AUTS2: variants seen among roughly 807,000 people sequenced by gnomAD.
AUTS2 encodes the protein activator of transcription and developmental regulator AUTS2, also known as autism susceptibility gene 2 protein.
Under a neutral mutation model 112.4 loss-of-function variants are expected in AUTS2, and 17 were observed. That is an observed-to-expected ratio of 0.15 (90% CI 0.10 to 0.23). The LOEUF (loss-of-function observed/expected upper bound fraction) is 0.23, where lower values mean the gene tolerates loss of function less well. AUTS2 is among the 10% of genes least tolerant of loss of function. The pLI is 1.00. For synonymous variants in AUTS2, 751 were observed against 702.7 expected (o/e 1.07, Z -1.09); for missense variants, 1,510 against 1,701.6 (o/e 0.89, Z 1.98).
intron 2 of AUTS2, among the ~76,000 whole-genome samples, chr7:70,035,770 C>T (rs758728457): frequency 2.0e-5 from 3 of 152,168 alleles, no homozygotes; most frequent in African/African-American, 7.2e-5. Flanking sequence ...TGTTCCTCCT[C>T]ATTTCTTCTT....
At chr7:70,265,243 A>T (rs1215645602) in intron 4 of AUTS2, among the ~76,000 whole-genome samples, 1 of 152,178 alleles carries the variant, frequency 6.6e-6, no homozygotes, top group Non-Finnish European at 1.5e-5. Context: ...GGAGTACATG[A>T]TAGTTTTGTA....
At chr7:69,858,120 C>G (rs912872772) in intron 1 of AUTS2, among the ~76,000 whole-genome samples, 4 of 152,200 alleles carry the variant, frequency 2.6e-5, no homozygotes, top group African/African-American at 9.7e-5. Flanking sequence ...GTGACCATCA[C>G]AAGGACCTGG....
chr7:69,659,917 T>G (rs1420524173), intron 1 of AUTS2, among the ~76,000 whole-genome samples: 1 of 152,208 alleles, frequency 6.6e-6, no homozygotes, highest in African/African-American at 2.4e-5. Context: ...TTCCCTTAGC[T>G]TCCCTGCCCT....
At chr7:70,518,270 C>T (rs115931764) in intron 5 of AUTS2, among the ~76,000 whole-genome samples, 273 of 152,144 alleles carry the variant, frequency 1.8e-3, no homozygotes, top group African/African-American at 6.2e-3. Context: ...GCAATCAGGA[C>T]GCAGGGGAGA....
intron 5 of AUTS2, among the ~76,000 whole-genome samples, chr7:70,685,145 A>G (rs1808404322): frequency 6.6e-6 from 1 of 152,136 alleles, no homozygotes. Context: ...GACTAACCAA[A>G]GCTAGAAATG....
rs566697911 is a variant in AUTS2, at chr7:70,403,454, G to A, written c.661-32298G>A. 3.9e-5 allele frequency among the ~76,000 whole-genome samples: 6 copies of A among 152,330 alleles called. No individual in the cohort carries two copies. The East Asian group carries it at 1.2e-3, about 29-fold the overall frequency. ...TGGCACTGCATGTTGAAACAAACTG[G>A]AAAATAGCAGGGCCTTTCCTTCATC... is the stretch of plus-strand genomic sequence containing the variant. On this transcript the variant is annotated intron_variant, in intron 4 of 18. Coordinates refer to ENST00000342771, the MANE Select transcript of AUTS2 (RefSeq NM_015570.4).
At position 69,646,167 on chromosome 7, in the gene AUTS2, A is replaced by T. The variant is rs1261277486; in HGVS notation, c.309+46205A>T. ...AACCTTTTTTAAACTAGTATAATAC[A>T]ACCTGACTGCTACCTGCAGTTTCCC... On this transcript the variant is annotated intron_variant, in intron 1 of 18. Transcript: ENST00000342771. Among the ~76,000 whole-genome samples the T allele has an allele frequency of 2.0e-5, 3 of 152,082 alleles. No homozygotes were observed. In the East Asian group the frequency reaches 5.8e-4, roughly 29 times the overall value.
intron 3 of AUTS2, among the ~76,000 whole-genome samples, chr7:70,128,719 G>A (rs1806109984): frequency 6.6e-6 from 1 of 152,230 alleles, no homozygotes; most frequent in Admixed American, 6.5e-5. Flanking sequence ...CTGCTTTAAT[G>A]AATGACCACA....
intron 4 of AUTS2, among the ~76,000 whole-genome samples, chr7:70,243,479 G>A (rs769125042): frequency 1.3e-5 from 2 of 151,984 alleles, no homozygotes; most frequent in Admixed American, 1.3e-4. Context: ...TTTAGTACAT[G>A]ATAACAACTG....
chr7:70,037,389 T>TCTTG (rs1487785939), intron 2 of AUTS2, among the ~76,000 whole-genome samples: 1 of 152,196 alleles, frequency 6.6e-6, no homozygotes, highest in Non-Finnish European at 1.5e-5. Flanking sequence ...TTATAGCTGC[T>TCTTG]CTTGCCACAG....
At chr7:69,836,300 C>A (rs146392027) in intron 1 of AUTS2, among the ~76,000 whole-genome samples, 2 of 152,234 alleles carry the variant, frequency 1.3e-5, no homozygotes, top group African/African-American at 4.8e-5. Flanking sequence ...TAGGAATTGC[C>A]CTCTGCCTTG....
At chr7:69,647,107 A>G (rs565435025) in intron 1 of AUTS2, among the ~76,000 whole-genome samples, 4 of 152,066 alleles carry the variant, frequency 2.6e-5, no homozygotes, top group Non-Finnish European at 5.9e-5. Context: ...AAAACAAAAA[A>G]CAAAAACAAA....
At chr7:70,043,913 C>T (rs1420417421) in intron 2 of AUTS2, among the ~76,000 whole-genome samples, 1 of 151,956 alleles carries the variant, frequency 6.6e-6, no homozygotes, top group Non-Finnish European at 1.5e-5. Context: ...CCGGCCTCCC[C>T]TTTGCATTTC....
intron 1 of AUTS2, among the ~76,000 whole-genome samples, chr7:69,799,463 G>A (rs1206953359): frequency 2.0e-5 from 3 of 152,104 alleles, no homozygotes; most frequent in African/African-American, 7.2e-5. Context: ...GTGCCTCTGA[G>A]GTCCAGCGAG....
chr7:70,313,088 G>A (rs1299753412), intron 4 of AUTS2, among the ~76,000 whole-genome samples: 4 of 152,160 alleles, frequency 2.6e-5, no homozygotes, highest in Non-Finnish European at 4.4e-5. Context: ...AAACTGCAGA[G>A]CAACACATTT....
chr7:70,394,349 G>C (rs2129875706), intron 4 of AUTS2, among the ~76,000 whole-genome samples: 1 of 152,296 alleles, frequency 6.6e-6, no homozygotes, highest in South Asian at 2.1e-4. Flanking sequence ...TGCTTGACAG[G>C]TTATGCACCA....
chr7:70,077,308 C>T (rs193132385), intron 2 of AUTS2, among the ~76,000 whole-genome samples: 2 of 152,208 alleles, frequency 1.3e-5, no homozygotes, highest in South Asian at 2.1e-4. Flanking sequence ...AAAGGTAGGC[C>T]GAGGGATAAT....
intron 6 of AUTS2, among the ~76,000 whole-genome samples, chr7:70,736,872 G>A (rs1374520147): frequency 6.6e-6 from 1 of 152,192 alleles, no homozygotes; most frequent in Non-Finnish European, 1.5e-5. Flanking sequence ...AATGGAGTCA[G>A]AAATAGGCTG....
chr7:70,160,358 C>T (rs534359593), intron 4 of AUTS2, among the ~76,000 whole-genome samples: 5 of 152,260 alleles, frequency 3.3e-5, no homozygotes, highest in East Asian at 1.9e-4. Context: ...CTTCCTCCAA[C>T]GTAAATCTTT....
Sources: allele counts gnomAD v4.1 joint callset (sites outside exome capture counted in the v4.1 genomes callset), GRCh38; gene constraint gnomAD v4.1.1; transcripts MANE v1.5; gene names NCBI Gene and HGNC (gene_info 2026-07-23, HGNC 2026-07-21).